Variants in COG3 observed in about 807,000 individuals in gnomAD.
The protein encoded by COG3 is conserved oligomeric Golgi complex subunit 3.
In COG3, 32 loss-of-function variants were observed where a neutral mutation model predicts 114.1. The observed-to-expected ratio is 0.28, with a 90% CI of 0.21 to 0.38. The LOEUF is 0.38. COG3 is among the 10% of genes least tolerant of loss of function. The pLI is 1.00. For missense variants in COG3, 813 were observed against 973.2 expected, an observed-to-expected ratio of 0.84 and a Z score of 2.19; for synonymous variants, 352 against 365.7, an observed-to-expected ratio of 0.96 and a Z score of 0.43.
chr13:45,513,400 C>CATATAATATATATATATAAATTAT (rs1871158013), intron 16 of COG3, among the ~76,000 whole-genome samples: 1 of 35,118 alleles, frequency 2.8e-5, no homozygotes, highest in Non-Finnish European at 4.9e-5. Context: ...ATAAATTATA[C>CATATAATATATATATATAAATTAT]ATATAATATA....
rs763660050 is a variant in COG3 at position 45,465,114 on chromosome 13, T to A, written c.78T>A (p.Asp26Glu). 6.2e-7 allele frequency: 1 copy of A among 1,613,062 alleles called. No homozygotes were observed. The highest frequency in any genetic ancestry group is 8.5e-7 in the Non-Finnish European group (1 of 1,179,796). ...RDAREKLALW[D>E]RRPDTTAPLT... ...CTAGGGAAAAGCTGGCTCTCTGGGA[T>A]CGGAGACCGGACACGACGGCGCCGC... The change falls in exon 1 of 23, where the codon GAT (aspartate) becomes GAA (glutamate). Residue 26 changes from aspartate (D) to glutamate (E), a missense_variant. This residue lies in a region of COG3 where 424 missense variants were observed against 430.6 expected (regional missense o/e 0.98). Coordinates refer to ENST00000349995, the MANE Select transcript of COG3 (RefSeq NM_031431.4).
At chr13:45,519,118 G>A in intron 19 of COG3, 24 bp downstream of exon 19, 1 of 1,609,584 alleles carries the variant, frequency 6.2e-7, no homozygotes, top group Middle Eastern at 1.7e-4. Flanking sequence ...TGCCTATGTG[G>A]TAAAGTCATT....
chr13:45,508,394 AT>A, intron 14 of COG3, among the ~76,000 whole-genome samples: 1 of 103,646 alleles, frequency 9.6e-6, no homozygotes, highest in African/African-American at 4.8e-5. Flanking sequence ...TTTTATATAT[AT>A]ATATATATAC....
At chr13:45,469,094 G>C (rs1032058260) in intron 1 of COG3, among the ~76,000 whole-genome samples, 1 of 152,146 alleles carries the variant, frequency 6.6e-6, no homozygotes, top group Non-Finnish European at 1.5e-5. Flanking sequence ...GAGAGAAGAT[G>C]GTTTTGTATT....
At position 45,534,845 on chromosome 13, in the gene COG3, C is replaced by G. The variant is rs1196974954; in HGVS notation, c.*114C>G. ...TGTGGGAACGTCCCCGAGAACCACA[C>G]GAGCGTGCTGCTCAGTGCTGACTGC... On this transcript the variant is annotated 3_prime_UTR_variant, in exon 23 of 23. Coordinates refer to ENST00000349995, the MANE Select transcript of COG3 (RefSeq NM_031431.4). 2.4e-5 allele frequency: 34 copies of G among 1,417,134 alleles called. No individual in the cohort carries two copies. Among genetic ancestry groups the G allele is most frequent in the Non-Finnish European group, 3.1e-5 (34 of 1,089,914 alleles). 87.8% of individuals were successfully genotyped at this position (1,417,134 alleles called of 1,614,324 possible). A position where few individuals can be genotyped will look rare whatever the true frequency, so the allele number is the denominator to read the frequency against.
chr13:45,516,210 T>G lies in COG3; in HGVS notation c.1877T>G (p.Phe626Cys). The change falls in exon 17 of 23, where the codon TTT becomes TGT. Residue 626 changes from phenylalanine (F) to cysteine (C), a missense_variant. Transcript: ENST00000349995. ...LLILREQIAP[F>C]HTEFTIKEIS... ...ATACTTCGTGAACAAATTGCTCCAT[T>G]TCACACTGAATTCACCATTAAGGAA... 1 of 1,602,144 alleles carries G rather than the reference T, an allele frequency of 6.2e-7. No individual in the cohort carries two copies. Among genetic ancestry groups the G allele is most frequent in the East Asian group, 2.2e-5 (1 of 44,626 alleles).
At chr13:45,514,157 C>CTCT (rs763122001) in intron 16 of COG3, among the ~76,000 whole-genome samples, 7 of 93,856 alleles carry the variant, frequency 7.5e-5, no homozygotes, top group Non-Finnish European at 1.4e-4. Context: ...TGTCCTCTCT[C>CTCT]TTTTTTTTTT....
intron 13 of COG3, among the ~76,000 whole-genome samples, chr13:45,502,722 G>A (rs1337334951): frequency 6.6e-6 from 1 of 152,018 alleles, no homozygotes; most frequent in Admixed American, 6.6e-5. Context: ...TAGTGCACCT[G>A]TCACCCAAAC....
At chr13:45,530,003 C>A in intron 21 of COG3, 85 bp downstream of exon 21, 1 of 1,452,480 alleles carries the variant, frequency 6.9e-7, no homozygotes, top group South Asian at 1.4e-5. Context: ...TTGCTGTAGA[C>A]ATTTAGAAAT....
At chr13:45,521,478 G>T (rs1192739084) in intron 19 of COG3, among the ~76,000 whole-genome samples, 3 of 152,198 alleles carry the variant, frequency 2.0e-5, no homozygotes, top group East Asian at 1.9e-4. Flanking sequence ...GGACACTGCA[G>T]CCTGGAGGAC....
At chr13:45,524,206 C>T (rs1264077970) in intron 19 of COG3, among the ~76,000 whole-genome samples, 3 of 152,304 alleles carry the variant, frequency 2.0e-5, no homozygotes, top group East Asian at 1.9e-4. Flanking sequence ...GAGACTTTCC[C>T]GTGAGGCCAA....
At chr13:45,524,282 T>C (rs1163322268) in intron 19 of COG3, among the ~76,000 whole-genome samples, 3 of 152,222 alleles carry the variant, frequency 2.0e-5, no homozygotes, top group Non-Finnish European at 4.4e-5. Flanking sequence ...AGTTTCTCTC[T>C]CTTACCCTCC....
At position 45,503,246 on chromosome 13, in the gene COG3, G is replaced by A. The variant is rs3014960; in HGVS notation, c.1491G>A (p.Gln497=). Residue 497 remains glutamine (Q), a splice_region_variant and synonymous_variant, in exon 14 of 23, where the codon CAG becomes CAA. Transcript: ENST00000349995. Reference sequence around the variant, plus strand: ...TTCCTTCTGATTTCTTTATACAGCAGATTGCACAGAGTTTGAAAGATGAAC... The same window carrying A: ...TTCCTTCTGATTTCTTTATACAGCAAATTGCACAGAGTTTGAAAGATGAAC... The part of the protein sequence containing the change: ...AYPDKLVMME[Q]IAQSLKDEQK... 0.89 allele frequency: 1,358,480 copies of A among 1,529,194 alleles called. 604,205 individuals carry two copies. The highest frequency in any genetic ancestry group is 0.94 in the Admixed American group (56,229 of 59,866). The allele number at this position is 1,529,194 out of a possible 1,614,324, so 94.7% of individuals were successfully genotyped here.
At position 45,518,992 on chromosome 13, in the gene COG3, C is replaced by T. The variant is rs770403315; in HGVS notation, c.2052C>T (p.Asp684=). 1 of 1,614,098 alleles carries T rather than the reference C, an allele frequency of 6.2e-7. No homozygotes were observed. The highest frequency in any genetic ancestry group is 8.5e-7 in the Non-Finnish European group (1 of 1,179,988). ...GTPEIREHYL[D]SKKDVDRHLK... is the part of the protein sequence containing the mutation. The stretch of plus-strand genomic sequence containing the variant: ...CTGAGATAAGAGAACATTATCTTGA[C>T]TCTAAAAAAGACGTAGACCGTCATC... The change falls in exon 19 of 23, where the codon GAC becomes GAT. Residue 684 remains aspartate, a synonymous_variant. Transcript: ENST00000349995.
chr13:45,489,213 G>C (rs77989196), intron 8 of COG3, among the ~76,000 whole-genome samples: 1,387 of 32,834 alleles, frequency 0.042, 67 homozygotes, highest in African/African-American at 0.13. Flanking sequence ...AAAAAAAAAA[G>C]AGCCAGCCAG....
At chr13:45,512,498 A>G (rs1870970855) in intron 16 of COG3, among the ~76,000 whole-genome samples, 1 of 152,078 alleles carries the variant, frequency 6.6e-6, no homozygotes, top group Admixed American at 6.5e-5. Context: ...TGCCCCTGCC[A>G]AGTTTTGTAT....
intron 1 of COG3, among the ~76,000 whole-genome samples, chr13:45,474,220 C>A (rs76309754): frequency 7.5e-6 from 1 of 133,006 alleles, no homozygotes; most frequent in East Asian, 2.2e-4. Flanking sequence ...TGCAGTGGCT[C>A]GATCTCGGCT....
At chr13:45,491,335 A>G (rs1400819843) in intron 9 of COG3, 77 bp from the exon 10 acceptor site, 6 of 1,483,680 alleles carry the variant, frequency 4.0e-6, no homozygotes, top group Non-Finnish European at 5.5e-6. Flanking sequence ...AGGTTTGGCA[A>G]CCTACACTGG....
At chr13:45,513,978 A>T (rs1871251624) in intron 16 of COG3, among the ~76,000 whole-genome samples, 1 of 152,144 alleles carries the variant, frequency 6.6e-6, no homozygotes, top group African/African-American at 2.4e-5. Flanking sequence ...AATGCATTGA[A>T]GAAAATATGT....
Sources: gnomAD v4.1 joint callset for allele counts (sites outside exome capture counted in the v4.1 genomes callset) on GRCh38, gnomAD v4.1.1 for gene constraint, gnomAD v4.1.1 regional missense constraint, MANE v1.5 for transcripts, NCBI Gene and HGNC (gene_info 2026-07-23, HGNC 2026-07-21) for gene names.